The following PITPNC1 variants were observed in gnomAD, a reference collection of about 807,000 sequenced individuals.
The protein encoded by PITPNC1 is cytoplasmic phosphatidylinositol transfer protein 1.
Under a neutral mutation model 44.7 loss-of-function variants are expected in PITPNC1, and 18 were observed. That is an observed-to-expected ratio of 0.40 (90% CI 0.28 to 0.60). PITPNC1 has a LOEUF of 0.60. Ranked by LOEUF, PITPNC1 falls within the 20% of genes least tolerant of loss-of-function variation. PITPNC1 has a pLI of 0.39. For missense variants in PITPNC1, 290 were observed against 418.4 expected, an observed-to-expected ratio of 0.69 and a Z score of 2.68; for synonymous variants, 141 against 149.6, an observed-to-expected ratio of 0.94 and a Z score of 0.42.
chr17:67,678,159 T>C (rs1464419264), intron 8 of PITPNC1, among the ~76,000 whole-genome samples: 1 of 150,870 alleles, frequency 6.6e-6, no homozygotes, highest in Admixed American at 6.6e-5. Flanking sequence ...GAGGCTGCAG[T>C]GAGCTATGAT....
intron 5 of PITPNC1, among the ~76,000 whole-genome samples, chr17:67,580,032 C>T (rs11652004): frequency 0.12 from 18,368 of 152,086 alleles, 1,498 homozygotes; most frequent in East Asian, 0.43. Flanking sequence ...AGCAATCCCA[C>T]AATTTAGAGA....
intron 4 of PITPNC1, among the ~76,000 whole-genome samples, chr17:67,572,282 A>T (rs561367762): frequency 6.6e-6 from 1 of 152,120 alleles, no homozygotes; most frequent in East Asian, 1.9e-4. Context: ...TCTTTAGGGA[A>T]CAGCGCATAT....
rs910595876 is a variant in PITPNC1 at position 67,673,424 on chromosome 17, G to A, written c.619-2055G>A. On this transcript the variant is annotated intron_variant, in intron 7 of 8. Transcript: ENST00000581322. ...GCAGACACACACACACACACAAATG[G>A]TATATACTATTTTCCTTAGCCTTCT... Among the ~76,000 whole-genome samples the A allele has an allele frequency of 1.2e-4, 18 of 152,104 alleles. No individual in the cohort carries two copies. In the South Asian group the frequency reaches 2.7e-3, roughly 23 times the overall value.
intron 7 of PITPNC1, among the ~76,000 whole-genome samples, chr17:67,671,223 GA>G (rs1170979518): frequency 1.3e-5 from 2 of 152,132 alleles, no homozygotes; most frequent in African/African-American, 4.8e-5. Context: ...ACTTGGTGAA[GA>G]GTCATATTTT....
rs781732841 is a variant in PITPNC1 at position 67,675,560 on chromosome 17, A to G, written c.682+18A>G. On this transcript the variant is annotated intron_variant, in intron 8 of 8. Coordinates refer to ENST00000581322, the MANE Select transcript of PITPNC1 (RefSeq NM_012417.4). ...GTGGTATGGTAAGTCAATTTCTCCA[A>G]AATAACTTGTAGAACAACTTCATGT... is the stretch of plus-strand genomic sequence containing the variant. 47 of 1,547,206 alleles carry G rather than the reference A, an allele frequency of 3.0e-5. No homozygotes were observed. Among genetic ancestry groups the G allele is most frequent in the Non-Finnish European group, 4.0e-5 (45 of 1,119,248 alleles).
chr17:67,641,804 T>TAAC (rs2042096111), intron 6 of PITPNC1, among the ~76,000 whole-genome samples: 1 of 147,806 alleles, frequency 6.8e-6, no homozygotes, highest in African/African-American at 2.5e-5. Context: ...ATAATAATAA[T>TAAC]AATAATAATA....
At chr17:67,632,508 G>C (rs1207272949) in intron 6 of PITPNC1, 1 of 450,232 alleles carries the variant, frequency 2.2e-6, no homozygotes, top group Non-Finnish European at 3.9e-6. Context: ...TATCCATAGG[G>C]CTGGACCATC....
chr17:67,637,252 G>A (rs575449778), intron 6 of PITPNC1, among the ~76,000 whole-genome samples: 1 of 152,126 alleles, frequency 6.6e-6, no homozygotes, highest in Non-Finnish European at 1.5e-5. Context: ...AAATGAATTC[G>A]TTGCCATTAA....
chr17:67,669,458 TGATG>T (rs2042476944), intron 6 of PITPNC1, 46 bp from the exon 7 acceptor site: 1 of 1,282,626 alleles, frequency 7.8e-7, no homozygotes, highest in African/African-American at 1.5e-5. Flanking sequence ...CATTTAATAA[TGATG>T]GTCAAACTTT....
chr17:67,563,968 T>G lies in PITPNC1; in HGVS notation c.294+10351T>G, dbSNP rs535184664. Among the ~76,000 whole-genome samples, 10 of 152,236 alleles carry G rather than the reference T, an allele frequency of 6.6e-5. No individual in the cohort carries two copies. The East Asian group carries it at 1.7e-3, about 26-fold the overall frequency. ...GATGAATAGATAGATGATTGATAGA[T>G]ATTAATAGATAAGAGAGATGGATAG... On this transcript the variant is annotated intron_variant, in intron 4 of 8. Coordinates refer to ENST00000581322, the MANE Select transcript of PITPNC1 (RefSeq NM_012417.4).
intron 1 of PITPNC1, among the ~76,000 whole-genome samples, chr17:67,429,071 C>T (rs1424651797): frequency 6.6e-6 from 1 of 151,848 alleles, no homozygotes; most frequent in Non-Finnish European, 1.5e-5. Context: ...GAACTCCCGA[C>T]CTCAGGTGAT....
chr17:67,616,243 C>T (rs1349804961), intron 5 of PITPNC1, among the ~76,000 whole-genome samples: 4 of 152,084 alleles, frequency 2.6e-5, no homozygotes, highest in Non-Finnish European at 5.9e-5. Flanking sequence ...CGGGTTCAAG[C>T]AATTCTCCTG....
chr17:67,420,019 C>A (rs929439783), intron 1 of PITPNC1, among the ~76,000 whole-genome samples: 4 of 152,208 alleles, frequency 2.6e-5, no homozygotes, highest in Non-Finnish European at 4.4e-5. Flanking sequence ...AGAGACAAAT[C>A]ATGGTCTCAT....
At chr17:67,455,451 G>A (rs2039241261) in intron 1 of PITPNC1, among the ~76,000 whole-genome samples, 1 of 151,836 alleles carries the variant, frequency 6.6e-6, no homozygotes, top group Non-Finnish European at 1.5e-5. Flanking sequence ...TATTTATTTT[G>A]AGACAGACTC....
chr17:67,445,855 A>T (rs551584055), intron 1 of PITPNC1, among the ~76,000 whole-genome samples: 117 of 152,254 alleles, frequency 7.7e-4, no homozygotes, highest in African/African-American at 2.7e-3. Flanking sequence ...GTGCATAAAT[A>T]GAGGCCATTC....
chr17:67,632,647 G>A (rs1363956801), intron 6 of PITPNC1, among the ~76,000 whole-genome samples: 1 of 145,688 alleles, frequency 6.9e-6, no homozygotes, highest in Non-Finnish European at 1.5e-5. Context: ...ATCTCACTGT[G>A]GCATCTGCCT....
chr17:67,497,469 GTCT>G (rs1420622753), intron 1 of PITPNC1, among the ~76,000 whole-genome samples: 1 of 128,866 alleles, frequency 7.8e-6, no homozygotes, highest in Non-Finnish European at 1.6e-5. Context: ...TTAGGAAGTC[GTCT>G]TTTTTTTTTT....
At position 67,597,525 on chromosome 17, in the gene PITPNC1, G is replaced by T. The variant is rs557811051; in HGVS notation, c.366+19268G>T. On this transcript the variant is annotated intron_variant, in intron 5 of 8. Transcript: ENST00000581322. The surrounding 1 kb of genome is among the most constrained non-coding windows in gnomAD (Gnocchi z 4.0). ...GCTGAGATCATGCTGCTGTACTCCA[G>T]CCTAGGCGACAGAGTGATTGAGACT... Among the ~76,000 whole-genome samples, 31 of 152,222 alleles carry T rather than the reference G, an allele frequency of 2.0e-4. No individual in the cohort carries two copies. The highest frequency in any genetic ancestry group is 7.5e-4 in the African/African-American group (31 of 41,544).
At chr17:67,509,969 T>G (rs1370036044) in intron 1 of PITPNC1, among the ~76,000 whole-genome samples, 2 of 152,206 alleles carry the variant, frequency 1.3e-5, no homozygotes, top group South Asian at 4.1e-4. Context: ...CGGAGACCAA[T>G]TGACTTCAAT....
Sources: allele counts gnomAD v4.1 joint callset (sites outside exome capture counted in the v4.1 genomes callset), GRCh38; gene constraint gnomAD v4.1.1; non-coding constraint Gnocchi (gnomAD v3.1); transcripts MANE v1.5; gene names NCBI Gene and HGNC (gene_info 2026-07-23, HGNC 2026-07-21).